RALGPS2: variants seen among roughly 807,000 people sequenced by gnomAD.
The protein encoded by RALGPS2 is Ral GEF with PH domain and SH3 binding motif 2, also known as ras-specific guanine nucleotide-releasing factor RalGPS2.
A neutral mutation model predicts 86.8 loss-of-function variants in RALGPS2; 43 were observed. The ratio of observed to expected loss-of-function variants is 0.50; its 90% CI spans 0.39 to 0.64. The LOEUF is 0.64. Ranked by LOEUF, RALGPS2 falls within the 30% of genes least tolerant of loss-of-function variation. The probability of loss-of-function intolerance (pLI) is 0.00; values close to 1 mark genes in which losing one functional copy is unlikely to be tolerated. For synonymous variants in RALGPS2, 243 were observed against 231.3 expected, an observed-to-expected ratio of 1.05 and a Z score of -0.46; for missense variants, 536 against 694.6, an observed-to-expected ratio of 0.77 and a Z score of 2.57.
Position 178,906,880 on chromosome 1 carries a change from C to G in RALGPS2, c.1722+13C>G. The G allele has an allele frequency of 1.2e-6, 2 of 1,609,444 alleles. No homozygotes were observed. The highest frequency in any genetic ancestry group is 1.7e-6 in the Non-Finnish European group (2 of 1,176,284). ...TAACAAACAACAGGTAAGCATTTCT[C>G]CTAATTCTCAGAATAGTCCATAATT... On this transcript the variant is annotated intron_variant, in intron 19 of 19. Coordinates refer to ENST00000367635, the MANE Select transcript of RALGPS2 (RefSeq NM_152663.5).
At chr1:178,909,643 ATTTTTTTTTTT>A (rs57890269) in intron 19 of RALGPS2, among the ~76,000 whole-genome samples, 6 of 72,384 alleles carry the variant, frequency 8.3e-5, no homozygotes, top group African/African-American at 3.0e-4. Flanking sequence ...TTCTTTTTTA[ATTTTTTTTTTT>A]TTTTTTTTTT....
intron 1 of RALGPS2, among the ~76,000 whole-genome samples, chr1:178,761,191 G>A (rs183791539): frequency 2.0e-4 from 30 of 152,198 alleles, no homozygotes; most frequent in African/African-American, 6.7e-4. Context: ...TGCCAGGCTG[G>A]TCTCGATCTT....
At chr1:178,817,582 G>C (rs1241907424) in intron 6 of RALGPS2, among the ~76,000 whole-genome samples, 2 of 151,808 alleles carry the variant, frequency 1.3e-5, no homozygotes, top group African/African-American at 2.4e-5. Flanking sequence ...TCTTCTTCAA[G>C]ATTGTCTTGG....
At chr1:178,855,203 T>C (rs1427121858) in intron 8 of RALGPS2, among the ~76,000 whole-genome samples, 1 of 152,040 alleles carries the variant, frequency 6.6e-6, no homozygotes, top group African/African-American at 2.4e-5. Context: ...GGGATAGAAT[T>C]AATCTCATTA....
chr1:178,728,752 A>C (rs1046490782), intron 1 of RALGPS2, among the ~76,000 whole-genome samples: 1 of 152,158 alleles, frequency 6.6e-6, no homozygotes, highest in African/African-American at 2.4e-5. Context: ...GATTGTGATA[A>C]ATTTTAGTAA....
chr1:178,776,784 A>G lies in RALGPS2; in HGVS notation c.20A>G (p.Gln7Arg), dbSNP rs1249482932. Residue 7 changes from glutamine (Q) to arginine (R), a missense_variant, in exon 2 of 20, where the codon CAG becomes CGG. By Grantham distance (43) the Gln-to-Arg change is conservative. Around this residue, in one of 3 missense-constraint regions of RALGPS2, gnomAD observed 43 missense variants for 34.9 expected, o/e 1.23. Transcript: ENST00000367635. ...GAAAGCATGGACCTAATGAACGGGC[A>G]GGCAAGCAGTGTCAATATTGCAGCT... MDLMNG[Q>R]ASSVNIAATA... The G allele has an allele frequency of 6.2e-7, 1 of 1,613,202 alleles. No individual in the cohort carries two copies. The highest frequency in any genetic ancestry group is 1.1e-5 in the South Asian group (1 of 91,000).
chr1:178,735,302 A>G (rs1210177013), intron 1 of RALGPS2, among the ~76,000 whole-genome samples: 1 of 152,144 alleles, frequency 6.6e-6, no homozygotes, highest in African/African-American at 2.4e-5. Context: ...AGTTTAGGGC[A>G]AGGTCAAACT....
At chr1:178,833,116 A>G (rs780408553) in intron 7 of RALGPS2, among the ~76,000 whole-genome samples, 28 of 152,114 alleles carry the variant, frequency 1.8e-4, no homozygotes, top group South Asian at 2.1e-4. Context: ...ATATGAATGC[A>G]TAATTTTCTA....
intron 6 of RALGPS2, among the ~76,000 whole-genome samples, chr1:178,812,635 T>C (rs559159501): frequency 4.6e-5 from 7 of 152,310 alleles, no homozygotes; most frequent in East Asian, 3.9e-4. Flanking sequence ...TTTCCTTTAA[T>C]GTTAAGTTCA....
At chr1:178,838,716 G>T (rs567516977) in intron 8 of RALGPS2, among the ~76,000 whole-genome samples, 1 of 152,160 alleles carries the variant, frequency 6.6e-6, no homozygotes, top group African/African-American at 2.4e-5. Flanking sequence ...AGACTTCTCC[G>T]AGCTAAAGGA....
intron 10 of RALGPS2, chr1:178,879,823 C>T (rs1659162127): frequency 6.8e-6 from 1 of 147,916 alleles, no homozygotes; most frequent in Non-Finnish European, 1.5e-5. Context: ...TGTTTGAAAT[C>T]ATTTTTAAAA....
At position 178,917,864 on chromosome 1, in the gene RALGPS2, T is replaced by C. The variant is rs980538634; in HGVS notation, c.*1505T>C. 12 of 152,298 alleles carry C rather than the reference T, an allele frequency of 7.9e-5. No homozygotes were observed. The highest frequency in any genetic ancestry group is 2.6e-4 in the African/African-American group (11 of 41,582). 9.4% of individuals were successfully genotyped at this position (152,298 alleles called of 1,614,324 possible). A position where few individuals can be genotyped will look rare whatever the true frequency, so the allele number is the denominator to read the frequency against. ...GTAAGGTAATGCTTTGTGACTGATA[T>C]CTACTAATAGACTTCTGTTACTTTG... On this transcript the variant is annotated 3_prime_UTR_variant, in exon 20 of 20. Coordinates refer to ENST00000367635, the MANE Select transcript of RALGPS2 (RefSeq NM_152663.5).
chr1:178,844,907 C>T (rs911968958), intron 8 of RALGPS2, among the ~76,000 whole-genome samples: 11 of 152,004 alleles, frequency 7.2e-5, no homozygotes, highest in Admixed American at 5.2e-4. Context: ...TGGCTAGGTG[C>T]GGTGGTTCAT....
rs1160331335 is a variant in RALGPS2 at position 178,779,815 on chromosome 1, C to T, written c.57+2994C>T. ...GTGGCACGATCTGGGCCCATTGCAA[C>T]CTCTGCCTCCCAGGTTCAAGCAATT... On this transcript the variant is annotated intron_variant, in intron 2 of 19. Transcript: ENST00000367635. Among the ~76,000 whole-genome samples, 3 of 152,218 alleles carry T rather than the reference C, an allele frequency of 2.0e-5. No homozygotes were observed. The East Asian group carries it at 5.8e-4, about 29-fold the overall frequency.
At chr1:178,849,451 A>G (rs1657038998) in intron 8 of RALGPS2, among the ~76,000 whole-genome samples, 1 of 152,218 alleles carries the variant, frequency 6.6e-6, no homozygotes, top group Non-Finnish European at 1.5e-5. Flanking sequence ...TTCTAGTTTT[A>G]ATGATATTCT....
At chr1:178,737,556 T>C (rs146469780) in intron 1 of RALGPS2, among the ~76,000 whole-genome samples, 2 of 152,282 alleles carry the variant, frequency 1.3e-5, no homozygotes, top group Non-Finnish European at 2.9e-5. Flanking sequence ...AGCGCCACCT[T>C]TAATCAGATG....
intron 18 of RALGPS2, among the ~76,000 whole-genome samples, 146 bp from the exon 19 acceptor site, chr1:178,906,612 TGGAAATACAATAAAAATA>T: frequency 6.6e-6 from 1 of 152,316 alleles, no homozygotes; most frequent in African/African-American, 2.4e-5. Flanking sequence ...TTTATTGTAT[TGGAAATACAATAAAAATA>T]GGAAATACAA....
At chr1:178,759,471 T>G (rs1457207973) in intron 1 of RALGPS2, among the ~76,000 whole-genome samples, 1 of 152,104 alleles carries the variant, frequency 6.6e-6, no homozygotes, top group Non-Finnish European at 1.5e-5. Context: ...CTGTTTTGGT[T>G]ACTGTAACTC....
chr1:178,834,293 G>T (rs1347861653), intron 8 of RALGPS2, among the ~76,000 whole-genome samples: 2 of 152,174 alleles, frequency 1.3e-5, no homozygotes, highest in African/African-American at 2.4e-5. Flanking sequence ...ATCAAATGAT[G>T]AAGATTTGGT....
Sources: allele counts gnomAD v4.1 joint callset (sites outside exome capture counted in the v4.1 genomes callset), GRCh38; gene constraint gnomAD v4.1.1; regional missense constraint gnomAD v4.1.1; transcripts MANE v1.5; gene names NCBI Gene and HGNC (gene_info 2026-07-23, HGNC 2026-07-21).